Variants in ZMYM2 observed in about 807,000 individuals in gnomAD.
ZMYM2 encodes zinc finger MYM-type protein 2.
ZMYM2 carries 56 observed loss-of-function variants against 162.8 expected under a neutral mutation model. The observed-to-expected ratio is 0.34, with a 90% CI of 0.28 to 0.43. ZMYM2 has a LOEUF of 0.43. ZMYM2 is among the 20% of genes least tolerant of loss of function. The probability of loss-of-function intolerance (pLI) is 1.00; values close to 1 mark genes in which losing one functional copy is unlikely to be tolerated. For missense variants in ZMYM2, 1,275 were observed against 1,621.8 expected (o/e 0.79, Z 3.67); for synonymous variants, 510 against 541.6 (o/e 0.94, Z 0.81).
chr13:19,993,134 G>T lies in ZMYM2; in HGVS notation c.62G>T (p.Ser21Ile). The stretch of plus-strand genomic sequence containing the variant: ...GATCAGACTCCTGTTTTATTAGGGA[G>T]TACGGCCATGGCAACTAGTCTCACG... Reference protein sequence around the residue: ...LTDQTPVLLGSTAMATSLTNV... With the variant: ...LTDQTPVLLGITAMATSLTNV... Residue 21 changes from serine to isoleucine, a missense_variant, in exon 3 of 25, where the codon AGT becomes ATT. Ser to Ile is a moderately radical substitution (Grantham distance 142). Around this residue, in one of 10 missense-constraint regions of ZMYM2, gnomAD observed 295 missense variants for 286.7 expected, o/e 1.03. Transcript: ENST00000610343. 1 of 1,614,144 alleles carries T rather than the reference G, an allele frequency of 6.2e-7. No individual in the cohort carries two copies. Among genetic ancestry groups the T allele is most frequent in the Non-Finnish European group, 8.5e-7 (1 of 1,180,010 alleles).
the ZMYM2 span, among the ~76,000 whole-genome samples, chr13:19,911,628 G>A: frequency 6.6e-6 from 1 of 152,280 alleles, no homozygotes; most frequent in African/African-American, 2.4e-5. Flanking sequence ...CAGTCAAATT[G>A]TGGGCATTTG....
chr13:19,963,534 A>T (rs1227287721), intron 2 of ZMYM2, among the ~76,000 whole-genome samples: 2 of 151,954 alleles, frequency 1.3e-5, no homozygotes, highest in African/African-American at 4.8e-5. Context: ...ATGTAGTTGG[A>T]GTTGCACATT....
At chr13:20,007,138 TATC>T (rs1189323222) in intron 6 of ZMYM2, among the ~76,000 whole-genome samples, 4 of 152,268 alleles carry the variant, frequency 2.6e-5, no homozygotes, top group East Asian at 1.9e-4. Context: ...TTAATGTTGT[TATC>T]ATTTTTTTTT....
At position 19,968,947 on chromosome 13, in the gene ZMYM2, CAG is replaced by C. The variant is rs566417537; in HGVS notation, c.-11+8923_-11+8924del. 1.1e-3 allele frequency among the ~76,000 whole-genome samples: 174 copies of C among 152,174 alleles called. No individual in the cohort carries two copies. The Middle Eastern group carries it at 0.02, about 18-fold the overall frequency. On this transcript the variant is annotated intron_variant, in intron 2 of 24. Coordinates refer to ENST00000610343, the MANE Select transcript of ZMYM2 (RefSeq NM_197968.4). ...TAAACAAAGTGTAATAGGTAATAAA[CAG>C]AAATGAATAATTATATGCATATCAC...
At chr13:20,050,487 T>C (rs1211010631) in intron 12 of ZMYM2, among the ~76,000 whole-genome samples, 1 of 138,080 alleles carries the variant, frequency 7.2e-6, no homozygotes, top group Non-Finnish European at 1.6e-5. Context: ...TTCTAAGCTG[T>C]TAAGCCAAAG....
intron 2 of ZMYM2, among the ~76,000 whole-genome samples, chr13:19,970,845 T>A (rs1594083858): frequency 6.6e-6 from 1 of 152,156 alleles, no homozygotes; most frequent in Non-Finnish European, 1.5e-5. Flanking sequence ...TCTGAGATTG[T>A]AGCAGGAGAC....
intron 2 of ZMYM2, among the ~76,000 whole-genome samples, chr13:19,985,020 T>G (rs1441954529): frequency 4.6e-5 from 7 of 152,224 alleles, no homozygotes; most frequent in Admixed American, 4.6e-4. Context: ...TTATAACATC[T>G]GTAGATTTGG....
chr13:20,055,839 A>G (rs1304801055), intron 14 of ZMYM2, among the ~76,000 whole-genome samples: 11 of 152,150 alleles, frequency 7.2e-5, no homozygotes, highest in Admixed American at 6.5e-4. Flanking sequence ...TCAGCTCACA[A>G]CAGGTTAATC....
intron 12 of ZMYM2, among the ~76,000 whole-genome samples, chr13:20,045,271 T>G (rs1954665333): frequency 6.6e-6 from 1 of 152,066 alleles, no homozygotes; most frequent in Non-Finnish European, 1.5e-5. Flanking sequence ...TAGCATATTG[T>G]AAATAAAAAA....
At chr13:20,046,562 A>ATATAT (rs150664616) in intron 12 of ZMYM2, among the ~76,000 whole-genome samples, 48 of 20,078 alleles carry the variant, frequency 2.4e-3, no homozygotes, top group East Asian at 5.2e-3. Context: ...TCTAAAAAAA[A>ATATAT]AAATATATAT....
intron 3 of ZMYM2, among the ~76,000 whole-genome samples, chr13:19,996,004 A>G (rs995064455): frequency 6.6e-6 from 1 of 150,378 alleles, no homozygotes; most frequent in African/African-American, 2.5e-5. Context: ...AACAAAACAA[A>G]CTCTGTGACT....
At chr13:19,880,682 G>A in the ZMYM2 span, among the ~76,000 whole-genome samples, 1 of 152,112 alleles carries the variant, frequency 6.6e-6, no homozygotes, top group African/African-American at 2.4e-5. Context: ...ACCCGCCTTG[G>A]ACTCCCAAAG....
chr13:19,905,821 T>C, the ZMYM2 span, among the ~76,000 whole-genome samples: 1 of 152,132 alleles, frequency 6.6e-6, no homozygotes, highest in Non-Finnish European at 1.5e-5. Context: ...TGCCTCTTGA[T>C]CCATTGGCCT....
chr13:20,018,083 G>A (rs972114557), intron 6 of ZMYM2, among the ~76,000 whole-genome samples: 1 of 152,130 alleles, frequency 6.6e-6, no homozygotes, highest in Non-Finnish European at 1.5e-5. Context: ...TTATTGCTGA[G>A]TGGATATGGG....
chr13:20,075,912 T>G (rs910007751), intron 21 of ZMYM2, among the ~76,000 whole-genome samples: 1 of 151,702 alleles, frequency 6.6e-6, no homozygotes, highest in Non-Finnish European at 1.5e-5. Context: ...GCCAGGCTGG[T>G]CTCAAACGCC....
upstream of ZMYM2, among the ~76,000 whole-genome samples, chr13:19,957,798 GA>G (rs760794150): frequency 6.6e-6 from 1 of 152,292 alleles, no homozygotes; most frequent in East Asian, 1.9e-4. Flanking sequence ...CAACCGGTGG[GA>G]GCCCAGCTCC....
intron 2 of ZMYM2, among the ~76,000 whole-genome samples, chr13:19,971,262 A>ATATATATATATATATATT (rs1329532735): frequency 1.2e-3 from 91 of 78,272 alleles, no homozygotes; most frequent in Non-Finnish European, 1.9e-3. Flanking sequence ...ATATATATAT[A>ATATATATATATATATATT]TTTTTTTTTT....
the ZMYM2 span, among the ~76,000 whole-genome samples, chr13:19,874,175 T>C: frequency 3.3e-5 from 5 of 152,168 alleles, no homozygotes; most frequent in African/African-American, 1.2e-4. Flanking sequence ...CAAATACTTA[T>C]GAATCACCTA....
chr13:19,940,696 A>G, the ZMYM2 span, among the ~76,000 whole-genome samples: 15 of 152,356 alleles, frequency 9.8e-5, no homozygotes, highest in African/African-American at 2.6e-4. Context: ...CTTGACTACA[A>G]TTCAATTTCT....
Sources: gnomAD v4.1 joint callset for allele counts (sites outside exome capture counted in the v4.1 genomes callset) on GRCh38, gnomAD v4.1.1 for gene constraint, gnomAD v4.1.1 regional missense constraint, MANE v1.5 for transcripts, NCBI Gene and HGNC (gene_info 2026-07-23, HGNC 2026-07-21) for gene names.